CSMD1: variants seen among roughly 807,000 people sequenced by gnomAD.
CSMD1 encodes the protein CUB and sushi domain-containing protein 1.
Under a neutral mutation model 417.5 loss-of-function variants are expected in CSMD1, and 213 were observed. That is an observed-to-expected ratio of 0.51 (90% CI 0.46 to 0.57). CSMD1 has a LOEUF of 0.57. CSMD1 is among the 20% of genes least tolerant of loss of function. CSMD1 has a pLI of 0.00. For missense variants in CSMD1, 6,923 were observed against 4,529.7 expected (o/e 1.53, Z -15.17); for synonymous variants, 2,862 against 1,736.8 (o/e 1.65, Z -16.11).
At chr8:3,955,267 T>G (rs1392670718) in intron 5 of CSMD1, among the ~76,000 whole-genome samples, 1 of 152,088 alleles carries the variant, frequency 6.6e-6, no homozygotes, top group Non-Finnish European at 1.5e-5. Flanking sequence ...CCAACCAACA[T>G]GCAAAAGAGG....
intron 23 of CSMD1, among the ~76,000 whole-genome samples, chr8:3,329,768 G>T (rs1057509446): frequency 6.6e-6 from 1 of 152,150 alleles, no homozygotes; most frequent in East Asian, 1.9e-4. Flanking sequence ...GTCTGTGCAG[G>T]GTGATGCATT....
At chr8:3,122,857 C>G (rs997855357) in intron 41 of CSMD1, among the ~76,000 whole-genome samples, 7 of 152,062 alleles carry the variant, frequency 4.6e-5, no homozygotes, top group Admixed American at 3.9e-4. Context: ...TAACAGTCCA[C>G]CATACAGTAG....
At chr8:3,326,376 A>C (rs779173839) in intron 23 of CSMD1, among the ~76,000 whole-genome samples, 1 of 152,148 alleles carries the variant, frequency 6.6e-6, no homozygotes, top group Non-Finnish European at 1.5e-5. Flanking sequence ...TCCCTTTGAG[A>C]AATGGATGAA....
At chr8:3,670,653 T>C (rs1430917275) in intron 7 of CSMD1, among the ~76,000 whole-genome samples, 1 of 133,470 alleles carries the variant, frequency 7.5e-6, no homozygotes, top group Non-Finnish European at 1.6e-5. Context: ...GAAGGATATA[T>C]ACATGGGATA....
chr8:4,597,793 C>G (rs1230027739), intron 2 of CSMD1, among the ~76,000 whole-genome samples: 1 of 152,144 alleles, frequency 6.6e-6, no homozygotes, highest in South Asian at 2.1e-4. Context: ...AGGCCAGTCA[C>G]TGTGCTTGCC....
In CSMD1 at chr8:2,978,768, T is replaced by C; in HGVS notation, c.8410A>G (p.Asn2804Asp). The part of the protein sequence containing the change: ...VNCSDPGFVE[N>D]AIRHGQQNFP... The stretch of plus-strand genomic sequence containing the variant: ...TTCTGTTGCCCGTGACGAATGGCAT[T>C]TTCCACAAAGCCTGGATCAGAACAG... Residue 2804 changes from asparagine to aspartate, a missense_variant, in exon 55 of 70, where the codon AAT (asparagine) becomes GAT (aspartate). Transcript: ENST00000635120. 1.9e-6 allele frequency: 3 copies of C among 1,613,508 alleles called. No homozygotes were observed. Among genetic ancestry groups the C allele is most frequent in the South Asian group, 1.1e-5 (1 of 90,908 alleles).
At chr8:4,870,998 T>A (rs2116914091) in intron 1 of CSMD1, among the ~76,000 whole-genome samples, 2 of 152,162 alleles carry the variant, frequency 1.3e-5, no homozygotes, top group East Asian at 3.9e-4. Context: ...CCACAGGGTC[T>A]GGTCTGGGTG....
intron 33 of CSMD1, among the ~76,000 whole-genome samples, chr8:3,196,771 C>T (rs925156187): frequency 3.3e-5 from 5 of 152,186 alleles, no homozygotes; most frequent in African/African-American, 1.2e-4. Flanking sequence ...AGTCTCCATA[C>T]TGCTCCTTCC....
intron 1 of CSMD1, among the ~76,000 whole-genome samples, chr8:4,797,215 TTCCAATGAGGG>T (rs1585114691): frequency 6.6e-6 from 1 of 152,148 alleles, no homozygotes; most frequent in Non-Finnish European, 1.5e-5. Context: ...AAGGACAGGT[TTCCAATGAGGG>T]AGATGAGGTT....
rs570826648 is a variant in CSMD1 at position 3,686,618 on chromosome 8, C to T, written c.1009+21796G>A. Among the ~76,000 whole-genome samples, 28 of 152,300 alleles carry T rather than the reference C, an allele frequency of 1.8e-4. 2 individuals are homozygous for T. The East Asian group carries it at 5.2e-3, about 28-fold the overall frequency. Reference sequence around the variant, plus strand: ...TGTTCTTATCATCAAGCACAGAAAACTGAAGCCCAGGGATATCTATACAAA... The same window carrying T: ...TGTTCTTATCATCAAGCACAGAAAATTGAAGCCCAGGGATATCTATACAAA... On this transcript the variant is annotated intron_variant, in intron 7 of 69. Transcript: ENST00000635120.
chr8:4,827,775 GAAATTCAGCTCCTGCTTA>G (rs1799922604), intron 1 of CSMD1, among the ~76,000 whole-genome samples: 1 of 152,130 alleles, frequency 6.6e-6, no homozygotes, highest in African/African-American at 2.4e-5. Context: ...ATTAAAGATT[GAAATTCAGCTCCTGCTTA>G]AACCCCTGGA....
At chr8:3,906,103 C>T (rs571554241) in intron 5 of CSMD1, among the ~76,000 whole-genome samples, 2 of 152,222 alleles carry the variant, frequency 1.3e-5, no homozygotes, top group East Asian at 3.9e-4. Flanking sequence ...TGATGCTAAC[C>T]TCAGAGTTGC....
intron 10 of CSMD1, among the ~76,000 whole-genome samples, chr8:3,542,964 G>C (rs764236326): frequency 6.6e-6 from 1 of 152,100 alleles, no homozygotes; most frequent in Non-Finnish European, 1.5e-5. Flanking sequence ...CAGTGAATAT[G>C]GGGCTCCTCT....
chr8:3,970,163 G>A (rs897405510), intron 5 of CSMD1, among the ~76,000 whole-genome samples: 9 of 151,508 alleles, frequency 5.9e-5, no homozygotes, highest in African/African-American at 2.2e-4. Context: ...GTGACATTTG[G>A]CAGTTGAATA....
intron 5 of CSMD1, among the ~76,000 whole-genome samples, chr8:3,790,532 A>G (rs1193737286): frequency 6.6e-6 from 1 of 152,174 alleles, no homozygotes; most frequent in Non-Finnish European, 1.5e-5. Flanking sequence ...TGTGATGGTG[A>G]TAATAACAAC....
intron 23 of CSMD1, among the ~76,000 whole-genome samples, chr8:3,337,292 A>C (rs1807327662): frequency 6.6e-6 from 1 of 152,228 alleles, no homozygotes; most frequent in African/African-American, 2.4e-5. Flanking sequence ...AATTGCTTTT[A>C]TTATTCATCA....
At chr8:3,447,202 G>A (rs1365674144) in intron 12 of CSMD1, among the ~76,000 whole-genome samples, 1 of 152,130 alleles carries the variant, frequency 6.6e-6, no homozygotes, top group Non-Finnish European at 1.5e-5. Context: ...GAAAAATGAT[G>A]AACCAGCATG....
At chr8:3,682,847 G>A (rs1585069374) in intron 7 of CSMD1, among the ~76,000 whole-genome samples, 1 of 152,200 alleles carries the variant, frequency 6.6e-6, no homozygotes, top group Admixed American at 6.5e-5. Flanking sequence ...ATACACCATG[G>A]AATACTATGT....
chr8:4,838,640 G>C (rs900415822), intron 1 of CSMD1, among the ~76,000 whole-genome samples: 8 of 152,182 alleles, frequency 5.3e-5, no homozygotes, highest in Non-Finnish European at 8.8e-5. Flanking sequence ...CAAAACAATA[G>C]CTCTATTGCA....
Sources: allele counts gnomAD v4.1 joint callset (sites outside exome capture counted in the v4.1 genomes callset), GRCh38; gene constraint gnomAD v4.1.1; transcripts MANE v1.5; gene names NCBI Gene and HGNC (gene_info 2026-07-23, HGNC 2026-07-21).